Variants in CSMD1 observed in about 807,000 individuals in gnomAD.
CSMD1 encodes CUB and Sushi multiple domains 1, also known as CUB and sushi domain-containing protein 1.
Under a neutral mutation model 417.5 loss-of-function variants are expected in CSMD1, and 213 were observed. The ratio of observed to expected loss-of-function variants is 0.51; its 90% CI spans 0.46 to 0.57. The LOEUF is 0.57. CSMD1 is among the 20% of genes least tolerant of loss of function. The probability of loss-of-function intolerance (pLI) is 0.00; values close to 1 mark genes in which losing one functional copy is unlikely to be tolerated. For synonymous variants in CSMD1, 2,862 were observed against 1,736.8 expected, an observed-to-expected ratio of 1.65 and a Z score of -16.11; for missense variants, 6,923 against 4,529.7, an observed-to-expected ratio of 1.53 and a Z score of -15.17.
chr8:3,085,406 G>T (rs1033530713), intron 49 of CSMD1, among the ~76,000 whole-genome samples: 1 of 152,216 alleles, frequency 6.6e-6, no homozygotes, highest in Non-Finnish European at 1.5e-5. Context: ...ACAAAGTCGT[G>T]TAAGTTATTT....
In CSMD1 at chr8:3,950,914, C is replaced by A. The variant is rs368709675; in HGVS notation, c.818+46989G>T. On this transcript the variant is annotated intron_variant, in intron 5 of 69. Coordinates refer to ENST00000635120, the MANE Select transcript of CSMD1 (RefSeq NM_033225.6). ...AATACTTAATAAAAAATAAGGAAAA[C>A]CAATATTCATAATAAGCCCTGAACA... Among the ~76,000 whole-genome samples the A allele has an allele frequency of 9.9e-5, 15 of 152,084 alleles. 1 individual carries two copies. The South Asian group carries it at 3.1e-3, about 32-fold the overall frequency.
intron 3 of CSMD1, among the ~76,000 whole-genome samples, chr8:4,381,735 G>A (rs138093463): frequency 1.0e-3 from 156 of 152,206 alleles, no homozygotes; most frequent in Non-Finnish European, 2.1e-3. Flanking sequence ...TGGACTTTAG[G>A]CTTCGATGCT....
At chr8:4,349,686 T>C (rs563881267) in intron 3 of CSMD1, among the ~76,000 whole-genome samples, 52 of 152,294 alleles carry the variant, frequency 3.4e-4, no homozygotes, top group African/African-American at 1.3e-3. Context: ...ATGTGGCCAA[T>C]TTCTATCATA....
At chr8:3,392,976 T>C (rs765051625) in intron 17 of CSMD1, among the ~76,000 whole-genome samples, 1 of 152,174 alleles carries the variant, frequency 6.6e-6, no homozygotes, top group African/African-American at 2.4e-5. Flanking sequence ...CCCAGGCCTT[T>C]CCTGACTCAT....
intron 69 of CSMD1, among the ~76,000 whole-genome samples, chr8:2,941,036 A>C (rs545812274): frequency 1.3e-5 from 2 of 152,310 alleles, no homozygotes; most frequent in African/African-American, 4.8e-5. Flanking sequence ...ACATTTACTA[A>C]ATTTTAAATT....
At chr8:3,226,794 G>A (rs903701131) in intron 27 of CSMD1, among the ~76,000 whole-genome samples, 1 of 152,010 alleles carries the variant, frequency 6.6e-6, no homozygotes, top group African/African-American at 2.4e-5. Context: ...ACACACAACA[G>A]GTGAGAGGTT....
intron 3 of CSMD1, among the ~76,000 whole-genome samples, chr8:4,068,607 A>G (rs1284764390): frequency 6.6e-6 from 1 of 152,172 alleles, no homozygotes; most frequent in Non-Finnish European, 1.5e-5. Context: ...CAGAAAACAT[A>G]TCTAGTTCAT....
Position 4,191,507 on chromosome 8 carries a change from G to C in CSMD1, c.416-159408C>G, listed in dbSNP as rs547254964. 4.4e-4 allele frequency among the ~76,000 whole-genome samples: 67 copies of C among 152,258 alleles called. No homozygotes were observed. The South Asian group carries it at 5.8e-3, about 13-fold the overall frequency. ...GTTCTTACTTGTCTGCAAGATACTG[G>C]TGAAGTGGAGGTCACTAAAACATGT... On this transcript the variant is annotated intron_variant, in intron 3 of 69. Coordinates refer to ENST00000635120, the MANE Select transcript of CSMD1 (RefSeq NM_033225.6).
At chr8:4,290,304 A>C (rs1797289114) in intron 3 of CSMD1, among the ~76,000 whole-genome samples, 1 of 152,066 alleles carries the variant, frequency 6.6e-6, no homozygotes, top group South Asian at 2.1e-4. Context: ...TACAGATGTG[A>C]AATTTCAGAT....
intron 3 of CSMD1, among the ~76,000 whole-genome samples, chr8:4,308,617 C>T (rs1008589117): frequency 3.9e-5 from 6 of 152,116 alleles, no homozygotes; most frequent in African/African-American, 7.2e-5. Flanking sequence ...TTTGTTAAGC[C>T]TGCTTTGGAA....
Position 3,482,658 on chromosome 8 carries a change from A to G in CSMD1, c.1448+10965T>C, listed in dbSNP as rs1402629388. 2.0e-5 allele frequency among the ~76,000 whole-genome samples: 3 copies of G among 152,266 alleles called. No homozygotes were observed. In the East Asian group the frequency reaches 5.8e-4, roughly 29 times the overall value. On this transcript the variant is annotated intron_variant, in intron 11 of 69. Coordinates refer to ENST00000635120, the MANE Select transcript of CSMD1 (RefSeq NM_033225.6). The stretch of plus-strand genomic sequence containing the variant: ...ACAGGATCTAACTGACGAATATGGA[A>G]CTCTCAACTCAATACACATGTTTTT...
chr8:4,315,851 T>C (rs540097387), intron 3 of CSMD1, among the ~76,000 whole-genome samples: 3 of 152,300 alleles, frequency 2.0e-5, no homozygotes, highest in Non-Finnish European at 4.4e-5. Context: ...TGTTTCATAT[T>C]ATATTCTCAG....
intron 26 of CSMD1, among the ~76,000 whole-genome samples, chr8:3,245,395 CT>C (rs1249191335): frequency 1.3e-5 from 2 of 152,214 alleles, no homozygotes; most frequent in African/African-American, 2.4e-5. Context: ...AAGGACCAGA[CT>C]TTTCCCCCTC....
chr8:4,484,066 C>A (rs1801240731), intron 2 of CSMD1, among the ~76,000 whole-genome samples: 1 of 152,040 alleles, frequency 6.6e-6, no homozygotes, highest in Non-Finnish European at 1.5e-5. Flanking sequence ...AATACCTCAG[C>A]ATCAGTTCAA....
intron 23 of CSMD1, among the ~76,000 whole-genome samples, chr8:3,322,499 G>T (rs957464323): frequency 6.6e-6 from 1 of 152,178 alleles, no homozygotes; most frequent in Non-Finnish European, 1.5e-5. Context: ...AAGGGTTCTG[G>T]AAGTTTCCAG....
intron 2 of CSMD1, among the ~76,000 whole-genome samples, chr8:4,486,109 G>GTATATATACATACATATA (rs1563223409): frequency 3.3e-4 from 45 of 135,536 alleles, no homozygotes; most frequent in Admixed American, 2.2e-3. Context: ...ATATATGTAT[G>GTATATATACATACATATA]TATATATACA....
At chr8:4,549,165 C>G (rs1294080112) in intron 2 of CSMD1, among the ~76,000 whole-genome samples, 1 of 152,076 alleles carries the variant, frequency 6.6e-6, no homozygotes, top group Non-Finnish European at 1.5e-5. Flanking sequence ...CAGACTGACT[C>G]AAGGGATTCC....
intron 1 of CSMD1, among the ~76,000 whole-genome samples, chr8:4,712,228 C>G (rs893076037): frequency 6.6e-6 from 1 of 152,182 alleles, no homozygotes; most frequent in East Asian, 1.9e-4. Context: ...ACTCATGATC[C>G]TCAGTGCAAA....
At chr8:3,464,095 G>A (rs997114609) in intron 12 of CSMD1, among the ~76,000 whole-genome samples, 1 of 152,172 alleles carries the variant, frequency 6.6e-6, no homozygotes, top group Non-Finnish European at 1.5e-5. Context: ...CACATCACAG[G>A]AAACAGTTCC....
Sources: gnomAD v4.1 joint callset for allele counts (sites outside exome capture counted in the v4.1 genomes callset) on GRCh38, gnomAD v4.1.1 for gene constraint, MANE v1.5 for transcripts, NCBI Gene and HGNC (gene_info 2026-07-23, HGNC 2026-07-21) for gene names.